The following ENTPD1 variants were observed in gnomAD, a reference collection of about 807,000 sequenced individuals.
ENTPD1 encodes ATP diphosphohydrolase.
ENTPD1 carries 33 observed loss-of-function variants against 57.0 expected under a neutral mutation model. That is an observed-to-expected ratio of 0.58 (90% CI 0.44 to 0.77). ENTPD1 has a LOEUF of 0.77. Among genes scored for constraint, ENTPD1 ranks in the 30% least tolerant of loss-of-function variants. The probability of loss-of-function intolerance (pLI) is 0.00; values close to 1 mark genes in which losing one functional copy is unlikely to be tolerated. For missense variants in ENTPD1, 501 were observed against 603.4 expected, an observed-to-expected ratio of 0.83 and a Z score of 1.78; for synonymous variants, 202 against 218.8, an observed-to-expected ratio of 0.92 and a Z score of 0.68.
At chr10:95,860,630 G>C (rs769240167) in intron 8 of ENTPD1, 48 bp downstream of exon 8, 1 of 1,513,034 alleles carries the variant, frequency 6.6e-7, no homozygotes, top group South Asian at 1.1e-5. Flanking sequence ...GCCCTGTGTC[G>C]TTGCTGATGC....
At chr10:95,725,601 T>G (rs1022383718) in intron 1 of ENTPD1, among the ~76,000 whole-genome samples, 2 of 152,198 alleles carry the variant, frequency 1.3e-5, no homozygotes, top group African/African-American at 4.8e-5. Flanking sequence ...TTCTGCAAGT[T>G]GCCCTCATGT....
At chr10:95,696,409 T>C in the ENTPD1 span, among the ~76,000 whole-genome samples, 1 of 152,110 alleles carries the variant, frequency 6.6e-6, no homozygotes, top group Admixed American at 6.5e-5. Flanking sequence ...GCCTCCCTAG[T>C]AGCTGGGACT....
At chr10:95,744,383 C>T (rs1209377988) in intron 1 of ENTPD1, among the ~76,000 whole-genome samples, 2 of 152,106 alleles carry the variant, frequency 1.3e-5, no homozygotes, top group African/African-American at 4.8e-5. Context: ...TGCCTGTAAT[C>T]CTAGCACTTT....
intron 1 of ENTPD1, among the ~76,000 whole-genome samples, chr10:95,799,770 CT>C (rs2098241179): frequency 6.6e-6 from 1 of 152,070 alleles, no homozygotes; most frequent in South Asian, 2.1e-4. Flanking sequence ...TATAAGCGTT[CT>C]TTTTTCTCCA....
chr10:95,749,884 T>G (rs6584022), intron 1 of ENTPD1, among the ~76,000 whole-genome samples: 81,967 of 151,972 alleles, frequency 0.54, 22,530 homozygotes, highest in Admixed American at 0.63. Flanking sequence ...ATTATTATAG[T>G]TTCTGGGTTG....
intron 1 of ENTPD1, among the ~76,000 whole-genome samples, chr10:95,784,643 C>T (rs1223706557): frequency 6.6e-6 from 1 of 152,194 alleles, no homozygotes; most frequent in East Asian, 1.9e-4. Context: ...ATCTGGTGTA[C>T]ATCCAGTGCA....
intron 1 of ENTPD1, among the ~76,000 whole-genome samples, chr10:95,742,240 G>A (rs139464523): frequency 6.6e-6 from 1 of 152,276 alleles, no homozygotes; most frequent in African/African-American, 2.4e-5. Flanking sequence ...GGCACTTAAC[G>A]GTTGGTTAGT....
intron 1 of ENTPD1, among the ~76,000 whole-genome samples, chr10:95,733,336 T>G (rs1275214891): frequency 5.9e-5 from 9 of 152,236 alleles, no homozygotes; most frequent in African/African-American, 2.2e-4. Flanking sequence ...TGTTCTTTTT[T>G]CAAGGTGCCC....
intron 1 of ENTPD1, among the ~76,000 whole-genome samples, chr10:95,730,736 A>G (rs755209884): frequency 3.3e-4 from 51 of 152,252 alleles, no homozygotes; most frequent in Non-Finnish European, 6.6e-4. Context: ...GAAAAACACA[A>G]TGAAACAAAA....
chr10:95,825,394 G>T (rs1441287454), intron 2 of ENTPD1, among the ~76,000 whole-genome samples: 3 of 152,168 alleles, frequency 2.0e-5, no homozygotes, highest in Non-Finnish European at 4.4e-5. Context: ...TTCTTGCATG[G>T]TTTGTAAACT....
upstream of ENTPD1, among the ~76,000 whole-genome samples, chr10:95,709,419 T>C (rs1053580414): frequency 8.5e-5 from 13 of 152,186 alleles, no homozygotes; most frequent in African/African-American, 3.1e-4. Context: ...GTTTCGCTTT[T>C]GTTGCCCAGT....
chr10:95,752,045 G>T (rs2098012835), upstream of ENTPD1, among the ~76,000 whole-genome samples: 1 of 152,156 alleles, frequency 6.6e-6, no homozygotes, highest in African/African-American at 2.4e-5. Flanking sequence ...CAGACATGAG[G>T]GGGGTTCTGG....
chr10:95,709,788 C>T (rs982572702), upstream of ENTPD1, among the ~76,000 whole-genome samples: 6 of 147,776 alleles, frequency 4.1e-5, no homozygotes, highest in South Asian at 2.1e-4. Flanking sequence ...GTTTTTGAGA[C>T]GGAGTCTCCC....
chr10:95,716,056 G>T (rs1275633014), intron 1 of ENTPD1, among the ~76,000 whole-genome samples: 3 of 152,088 alleles, frequency 2.0e-5, no homozygotes, highest in Non-Finnish European at 4.4e-5. Context: ...GTGCAGTCAG[G>T]GGTCCCACTA....
At position 95,758,002 on chromosome 10, in the gene ENTPD1, C is replaced by CAAAAAAAAAAAAAAAAAAAA. The variant is rs57407553; in HGVS notation, c.16+1756_16+1775dup. Among the ~76,000 whole-genome samples the CAAAAAAAAAAAAAAAAAAAA allele has an allele frequency of 4.4e-3, 115 of 26,396 alleles. 5 individuals are homozygous for CAAAAAAAAAAAAAAAAAAAA. The highest frequency in any genetic ancestry group is 8.6e-3 in the African/African-American group (90 of 10,426). 17.3% of individuals were successfully genotyped at this position (26,396 alleles called of 152,430 possible). ...CCTGGGCGAGAGTGAGACACTGTCT[C>CAAAAAAAAAAAAAAAAAAAA]AAAAAAAAAAAAAAAAAAAAAAAAA... On this transcript the variant is annotated intron_variant, in intron 1 of 9. Coordinates refer to ENST00000371205, the MANE Select transcript of ENTPD1 (RefSeq NM_001776.6).
At chr10:95,763,747 CAAAG>C (rs2098076671) in intron 1 of ENTPD1, among the ~76,000 whole-genome samples, 1 of 152,060 alleles carries the variant, frequency 6.6e-6, no homozygotes, top group African/African-American at 2.4e-5. Context: ...TTATAGCAGG[CAAAG>C]AAAACGAATA....
At chr10:95,727,642 C>A (rs1484834907) in intron 1 of ENTPD1, among the ~76,000 whole-genome samples, 1 of 152,088 alleles carries the variant, frequency 6.6e-6, no homozygotes, top group East Asian at 1.9e-4. Context: ...ATTATTTTAA[C>A]CTAGAAATGA....
At chr10:95,832,119 G>A (rs777009379) in intron 2 of ENTPD1, among the ~76,000 whole-genome samples, 2 of 152,234 alleles carry the variant, frequency 1.3e-5, no homozygotes, top group African/African-American at 2.4e-5. Flanking sequence ...ACTCTGAATA[G>A]AGAAAGCACC....
chr10:95,815,041 C>T (rs2098325324), intron 1 of ENTPD1, among the ~76,000 whole-genome samples: 1 of 152,086 alleles, frequency 6.6e-6, no homozygotes, highest in African/African-American at 2.4e-5. Context: ...GATGTTTGTG[C>T]TGACTTCTTT....
Sources: allele counts gnomAD v4.1 joint callset (sites outside exome capture counted in the v4.1 genomes callset), GRCh38; gene constraint gnomAD v4.1.1; transcripts MANE v1.5; gene names NCBI Gene and HGNC (gene_info 2026-07-23, HGNC 2026-07-21).